Variants in TACC1 observed in about 807,000 individuals in gnomAD.
The protein encoded by TACC1 is transforming acidic coiled-coil-containing protein 1.
In TACC1, 48 loss-of-function variants were observed where a neutral mutation model predicts 84.4. The observed-to-expected ratio is 0.57, with a 90% confidence interval of 0.45 to 0.72. The LOEUF (loss-of-function observed/expected upper bound fraction) is 0.72. Among genes scored for constraint, TACC1 ranks in the 30% least tolerant of loss-of-function variants. TACC1 has a pLI of 0.00. For synonymous variants in TACC1, 372 were observed against 376.3 expected (o/e 0.99, Z 0.13); for missense variants, 920 against 973.0 (o/e 0.95, Z 0.72).
chr8:38,828,128 T>C (rs1433220461), intron 5 of TACC1: 2 of 152,404 alleles, frequency 1.3e-5, no homozygotes, highest in African/African-American at 4.8e-5. Flanking sequence ...GTGATTGTTA[T>C]ACTCATTGTT....
chr8:38,851,773 T>G lies in TACC1; in HGVS notation c.*3750T>G. The stretch of plus-strand genomic sequence containing the variant: ...CAAGCGAGGGATTTTAAAGTAAAGA[T>G]GTATTTATTCTGAAGAATCTAAAAG... On this transcript the variant is annotated 3_prime_UTR_variant, in exon 13 of 13. Transcript: ENST00000317827. 1 of 345,284 alleles carries G rather than the reference T, an allele frequency of 2.9e-6. No individual in the cohort carries two copies. Among genetic ancestry groups the G allele is most frequent in the Non-Finnish European group, 5.8e-6 (1 of 171,980 alleles). The allele number at this position is 345,284 out of a possible 1,614,324, so 21.4% of individuals were successfully genotyped here.
At chr8:38,779,077 T>C (rs1011969078) in intron 3 of TACC1, among the ~76,000 whole-genome samples, 3 of 151,568 alleles carry the variant, frequency 2.0e-5, no homozygotes, top group South Asian at 2.1e-4. Flanking sequence ...CCTTCTGGGC[T>C]CAAGCGATCC....
chr8:38,819,987 C>CA lies in TACC1; in HGVS notation c.744dup (p.Asp249ArgfsTer21). On this transcript the variant is annotated frameshift_variant, in exon 3 of 13. Transcript: ENST00000317827. LOFTEE classifies it high-confidence loss of function. ...AAGAAAGCAATTGGAGGAGAGTTCT[C>CA]AGACACCAACGCTGCTGTGGAGGGC... The CA allele has an allele frequency of 6.2e-7, 1 of 1,614,040 alleles. No homozygotes were observed. Among genetic ancestry groups the CA allele is most frequent in the South Asian group, 1.1e-5 (1 of 91,082 alleles).
At chr8:38,797,043 C>T (rs1296176162) in intron 2 of TACC1, among the ~76,000 whole-genome samples, 1 of 152,256 alleles carries the variant, frequency 6.6e-6, no homozygotes, top group Admixed American at 6.5e-5. Context: ...AGGCGGCTTA[C>T]TCATTTGCCT....
At chr8:38,786,757 G>A (rs1384811538), upstream of TACC1, among the ~76,000 whole-genome samples, 1 of 151,914 alleles carries the variant, frequency 6.6e-6, no homozygotes, top group African/African-American at 2.4e-5. Context: ...GAGATGAACA[G>A]GCTGAAATCC....
At chr8:38,836,414 GT>G in intron 7 of TACC1, 127 bp downstream of exon 7, 2 of 1,353,612 alleles carry the variant, frequency 1.5e-6, no homozygotes, top group Non-Finnish European at 2.0e-6. Context: ...CCTGCAGCTT[GT>G]TTAGGTCGTA....
At chr8:38,757,348 T>C in intron 3 of TACC1, 1 of 1,266,278 alleles carries the variant, frequency 7.9e-7, no homozygotes. Flanking sequence ...AGGCTCCCAC[T>C]CTCAGACCCC....
chr8:38,784,523 G>A (rs576293373), upstream of TACC1, among the ~76,000 whole-genome samples: 61 of 151,692 alleles, frequency 4.0e-4, no homozygotes, highest in South Asian at 0.012. Flanking sequence ...AGCTGAGACT[G>A]CACCACCGTG....
chr8:38,837,888 C>A (rs1380132735), intron 7 of TACC1, among the ~76,000 whole-genome samples: 1 of 152,214 alleles, frequency 6.6e-6, no homozygotes, highest in Admixed American at 6.5e-5. Flanking sequence ...CAAATATGAG[C>A]CTAGGTTCCA....
rs777220228 is a variant in TACC1 at position 38,738,269 on chromosome 8, C to T, written c.-674-4082C>T. Among the ~76,000 whole-genome samples, 8 of 151,816 alleles carry T rather than the reference C, an allele frequency of 5.3e-5. No individual in the cohort carries two copies. The South Asian group carries it at 6.2e-4, about 12-fold the overall frequency. ...ACATTAAAAAAAAAAATTAGTCGGG[C>T]GTGGTGGCAAGTGCCTGTAGTCCCA... On this transcript the variant is annotated intron_variant, in intron 1 of 14. Transcript: ENST00000518415.
chr8:38,832,968 T>G (rs1035721419), intron 6 of TACC1, among the ~76,000 whole-genome samples: 1 of 152,226 alleles, frequency 6.6e-6, no homozygotes, highest in African/African-American at 2.4e-5. Flanking sequence ...TTGTTGGTCC[T>G]CAATTGTGAA....
upstream of TACC1, chr8:38,787,085 G>A (rs1682194905): frequency 3.1e-6 from 3 of 966,672 alleles, no homozygotes; most frequent in Non-Finnish European, 3.7e-6. Flanking sequence ...TGACGCCGCG[G>A]TAGGGGGATC....
At chr8:38,785,879 G>C, upstream of TACC1, 1 of 241,532 alleles carries the variant, frequency 4.1e-6, no homozygotes, top group Non-Finnish European at 6.7e-6. Context: ...GAATTCGAAA[G>C]CATCCTGACA....
At chr8:38,729,035 G>T (rs1804389529) in intron 1 of TACC1, among the ~76,000 whole-genome samples, 2 of 148,694 alleles carry the variant, frequency 1.3e-5, no homozygotes, top group Non-Finnish European at 1.5e-5. Flanking sequence ...TTTTCTTTCC[G>T]CCCCTGAAAT....
intron 2 of TACC1, among the ~76,000 whole-genome samples, chr8:38,806,705 A>G (rs1037023640): frequency 1.3e-5 from 2 of 152,300 alleles, no homozygotes; most frequent in South Asian, 2.1e-4. Context: ...GACTGTGTTC[A>G]TGTATCAGTG....
In TACC1 at chr8:38,787,335, T is replaced by C; in HGVS notation, c.-248T>C. On this transcript the variant is annotated 5_prime_UTR_variant, in exon 1 of 13. Coordinates refer to ENST00000317827, the MANE Select transcript of TACC1 (RefSeq NM_006283.3). ...ACAGGACGGGCGTCTTCCCGGCTAG[T>C]GGAGCCCGGCGCGGGGCCCGCTGCG... 1 of 1,285,958 alleles carries C rather than the reference T, an allele frequency of 7.8e-7. No homozygotes were observed. Among genetic ancestry groups the C allele is most frequent in the South Asian group, 2.2e-5 (1 of 46,024 alleles). The allele number at this position is 1,285,958 out of a possible 1,614,324, so 79.7% of individuals were successfully genotyped here.
intron 7 of TACC1, 35 bp downstream of exon 7, chr8:38,836,322 C>T: frequency 6.3e-7 from 1 of 1,594,610 alleles, no homozygotes. Context: ...CTTATCACTC[C>T]ATTTCTTTGT....
chr8:38,745,539 GTTTGTT>G (rs1166473867), intron 3 of TACC1: 4 of 676,062 alleles, frequency 5.9e-6, no homozygotes, highest in East Asian at 2.7e-5. Context: ...CTGTTTGTTT[GTTTGTT>G]TTTGTTTTTG....
intron 11 of TACC1, chr8:38,845,078 C>T (rs986918599): frequency 1.5e-4 from 23 of 152,266 alleles, no homozygotes; most frequent in African/African-American, 5.6e-4. Flanking sequence ...GCACCCGCCA[C>T]CATGCCCAGC....
Sources: gnomAD v4.1 joint callset for allele counts (sites outside exome capture counted in the v4.1 genomes callset) on GRCh38, gnomAD v4.1.1 for gene constraint, MANE v1.5 for transcripts, NCBI Gene and HGNC (gene_info 2026-07-23, HGNC 2026-07-21) for gene names.